NBEA: variants seen among roughly 807,000 people sequenced by gnomAD.
The protein encoded by NBEA is lysosomal-trafficking regulator 2.
NBEA carries 44 observed loss-of-function variants against 343.4 expected under a neutral mutation model. That is an observed-to-expected ratio of 0.13 (90% CI 0.10 to 0.16). The LOEUF (loss-of-function observed/expected upper bound fraction) is 0.16, where lower values mean the gene tolerates loss of function less well. Among genes scored for constraint, NBEA ranks in the 10% least tolerant of loss-of-function variants. The pLI is 1.00. For synonymous variants in NBEA, 1,175 were observed against 1,238.7 expected (o/e 0.95, Z 1.08); for missense variants, 2,555 against 3,631.3 (o/e 0.70, Z 7.62).
At chr13:35,255,785 G>C (rs2032520928) in intron 34 of NBEA, among the ~76,000 whole-genome samples, 1 of 152,232 alleles carries the variant, frequency 6.6e-6, no homozygotes, top group African/African-American at 2.4e-5. Flanking sequence ...GGGGGTGGGA[G>C]GATTGTTTCA....
intron 38 of NBEA, among the ~76,000 whole-genome samples, chr13:35,412,762 T>C (rs1385343409): frequency 6.6e-6 from 1 of 152,136 alleles, no homozygotes; most frequent in Non-Finnish European, 1.5e-5. Context: ...ATTCTTAAGA[T>C]AGTCCATTTT....
intron 35 of NBEA, among the ~76,000 whole-genome samples, chr13:35,298,127 TAGAGA>T (rs765140999): frequency 3.5e-4 from 53 of 149,398 alleles, no homozygotes; most frequent in Non-Finnish European, 8.9e-5. Flanking sequence ...TAAAATAAGC[TAGAGA>T]AAAGAAAATG....
chr13:35,166,248 A>G (rs1217339022), intron 24 of NBEA, among the ~76,000 whole-genome samples: 1 of 152,198 alleles, frequency 6.6e-6, no homozygotes, highest in African/African-American at 2.4e-5. Flanking sequence ...TATTCACATT[A>G]CTAAATAGTT....
intron 36 of NBEA, among the ~76,000 whole-genome samples, chr13:35,337,095 GGAA>G (rs1309181456): frequency 6.6e-6 from 1 of 151,996 alleles, no homozygotes; most frequent in Non-Finnish European, 1.5e-5. Flanking sequence ...GGCAAGAAAT[GGAA>G]GAAGAAATAA....
intron 45 of NBEA, among the ~76,000 whole-genome samples, chr13:35,568,852 A>C (rs373257325): frequency 4.1e-4 from 62 of 152,340 alleles, no homozygotes; most frequent in African/African-American, 1.4e-3. Flanking sequence ...ATTAGGGACA[A>C]GATTAGGAAC....
At chr13:35,344,345 A>G (rs2152859191) in intron 36 of NBEA, among the ~76,000 whole-genome samples, 1 of 151,630 alleles carries the variant, frequency 6.6e-6, no homozygotes, top group South Asian at 2.1e-4. Flanking sequence ...TCTAACTGCA[A>G]AAAAAAATGT....
intron 39 of NBEA, among the ~76,000 whole-genome samples, chr13:35,436,239 A>G (rs969349349): frequency 2.0e-5 from 3 of 152,214 alleles, no homozygotes; most frequent in African/African-American, 7.2e-5. Flanking sequence ...GAAGTCTGGC[A>G]TTGTATAGAC....
chr13:35,412,678 C>T (rs1399564785), intron 38 of NBEA, among the ~76,000 whole-genome samples: 1 of 152,034 alleles, frequency 6.6e-6, no homozygotes, highest in Non-Finnish European at 1.5e-5. Flanking sequence ...TCATAGTTAT[C>T]ACTGTTTATC....
intron 38 of NBEA, among the ~76,000 whole-genome samples, chr13:35,428,886 C>G (rs1025334595): frequency 1.3e-5 from 2 of 152,200 alleles, no homozygotes; most frequent in Non-Finnish European, 2.9e-5. Context: ...AGTGGGGACA[C>G]TGCCTTATAT....
chr13:34,959,179 ATTCT>A (rs2059585327), intron 1 of NBEA, among the ~76,000 whole-genome samples: 1 of 152,062 alleles, frequency 6.6e-6, no homozygotes, highest in Non-Finnish European at 1.5e-5. Context: ...AGGTTTAATG[ATTCT>A]TTTTTTTACC....
intron 27 of NBEA, among the ~76,000 whole-genome samples, chr13:35,174,913 C>T (rs548229556): frequency 1.3e-4 from 20 of 152,024 alleles, no homozygotes; most frequent in African/African-American, 4.6e-4. Flanking sequence ...CTGCCTCAGC[C>T]TCCCAAGTAG....
intron 17 of NBEA, among the ~76,000 whole-genome samples, chr13:35,126,657 G>A (rs527523720): frequency 6.6e-6 from 1 of 152,238 alleles, no homozygotes; most frequent in South Asian, 2.1e-4. Context: ...GCTGGCTCAT[G>A]CCTGTAATCC....
intron 10 of NBEA, among the ~76,000 whole-genome samples, chr13:35,090,408 G>A (rs1453735059): frequency 6.6e-6 from 1 of 151,954 alleles, no homozygotes; most frequent in African/African-American, 2.4e-5. Context: ...TACACACGAA[G>A]TAGGAAAATG....
intron 1 of NBEA, among the ~76,000 whole-genome samples, chr13:34,985,119 T>C (rs997787280): frequency 4.0e-5 from 6 of 151,118 alleles, no homozygotes; most frequent in African/African-American, 1.5e-4. Flanking sequence ...CTTGTGCCAG[T>C]TTTCAAAAGG....
At chr13:35,212,338 G>A (rs2073829742) in intron 33 of NBEA, among the ~76,000 whole-genome samples, 1 of 151,864 alleles carries the variant, frequency 6.6e-6, no homozygotes, top group Non-Finnish European at 1.5e-5. Flanking sequence ...TGCATATAAC[G>A]AGTTTATTCA....
intron 44 of NBEA, among the ~76,000 whole-genome samples, chr13:35,563,131 G>GT (rs1555303283): frequency 1.1e-4 from 12 of 108,240 alleles, no homozygotes; most frequent in Admixed American, 1.9e-4. Context: ...GTGTGTGTGT[G>GT]GAGATAGATA....
chr13:35,616,289 G>A (rs1327971), intron 48 of NBEA, among the ~76,000 whole-genome samples: 34,592 of 151,792 alleles, frequency 0.23, 4,117 homozygotes, highest in African/African-American at 0.25. Flanking sequence ...ATTGACCTGC[G>A]AACAAAACCA....
chr13:35,489,390 G>A (rs1258376062), intron 41 of NBEA, among the ~76,000 whole-genome samples: 1 of 151,814 alleles, frequency 6.6e-6, no homozygotes, highest in Non-Finnish European at 1.5e-5. Context: ...TTGTGTATCA[G>A]TCCCAGCTGA....
intron 1 of NBEA, among the ~76,000 whole-genome samples, chr13:35,000,479 T>C (rs1248227847): frequency 1.3e-5 from 2 of 151,854 alleles, no homozygotes; most frequent in African/African-American, 4.8e-5. Flanking sequence ...CACCTACAAT[T>C]TACTAAGCAT....
Sources: allele counts gnomAD v4.1 joint callset (sites outside exome capture counted in the v4.1 genomes callset), GRCh38; gene constraint gnomAD v4.1.1; transcripts MANE v1.5; gene names NCBI Gene and HGNC (gene_info 2026-07-23, HGNC 2026-07-21).